The following ATM variants were observed in gnomAD, a reference collection of about 807,000 sequenced individuals.
ATM encodes the protein ATM serine/threonine kinase.
In ATM, 308 loss-of-function variants were observed where a neutral mutation model predicts 387.0. The ratio of observed to expected loss-of-function variants is 0.80; its 90% CI spans 0.73 to 0.87. The LOEUF is 0.87. ATM is among the 40% of genes least tolerant of loss of function. The pLI is 0.00. For missense variants in ATM, 3,312 were observed against 3,560.9 expected (o/e 0.93, Z 1.78); for synonymous variants, 1,156 against 1,187.3 (o/e 0.97, Z 0.54).
rs911383628 is a variant in ATM at position 108,227,968 on chromosome 11, A to G, written c.185+80A>G. ...CTGTTGTGATATTACTTTTGTGTGT[A>G]AGTCTTAACATTTATCTTTGCTTCC... On this transcript the variant is annotated intron_variant, in intron 3 of 62. Transcript: ENST00000675843. The G allele has an allele frequency of 1.9e-5, 23 of 1,210,602 alleles. No individual in the cohort carries two copies. The African/African-American group carries it at 2.6e-4, about 14-fold the overall frequency. The allele number at this position is 1,210,602 out of a possible 1,614,324, so 75.0% of individuals were successfully genotyped here.
At chr11:108,233,537 C>G (rs2079122948) in intron 4 of ATM, among the ~76,000 whole-genome samples, 2 of 148,604 alleles carry the variant, frequency 1.3e-5, no homozygotes, top group Admixed American at 1.3e-4. Context: ...CTATTGCACT[C>G]CAGTCTGGGT....
At chr11:108,339,485 G>T (rs754959154) in intron 56 of ATM, among the ~76,000 whole-genome samples, 1 of 151,978 alleles carries the variant, frequency 6.6e-6, no homozygotes, top group Non-Finnish European at 1.5e-5. Context: ...TATCAGCTGT[G>T]TACTTTCAGA....
intron 33 of ATM, 118 bp from the exon 34 acceptor site, chr11:108,299,596 C>T (rs2083309315): frequency 9.1e-7 from 1 of 1,093,684 alleles, no homozygotes; most frequent in Non-Finnish European, 1.4e-6. Context: ...CGCACTCGGC[C>T]TTAAGGTTAA....
chr11:108,329,095 CT>C lies in ATM; in HGVS notation c.7165del (p.Ser2389HisfsTer2), dbSNP rs2136414843. On this transcript the variant is annotated frameshift_variant, in exon 49 of 63. Transcript: ENST00000675843. LOFTEE classifies it high-confidence loss of function. ...LRNGKMKAFL[S>X]LARFSDTQYQ... ...GAAATGGAAAAATGAAGGCATTTCT[CT>C]CATTAGCCCGGTTTTCAGATACTCA... 1.2e-6 allele frequency: 2 copies of C among 1,614,102 alleles called. No homozygotes were observed. The highest frequency in any genetic ancestry group is 1.7e-6 in the Non-Finnish European group (2 of 1,179,996).
At chr11:108,290,819 A>T (rs1230116940) in intron 29 of ATM, among the ~76,000 whole-genome samples, 3 of 146,122 alleles carry the variant, frequency 2.1e-5, no homozygotes, top group Admixed American at 6.8e-5. Context: ...TGAGACTTTC[A>T]CTCAATTAAA....
chr11:108,317,391 C>G lies in ATM; in HGVS notation c.6217C>G (p.Leu2073Val), dbSNP rs767406075. 6.8e-6 allele frequency: 11 copies of G among 1,611,840 alleles called. No individual in the cohort carries two copies. Among genetic ancestry groups the G allele is most frequent in the Non-Finnish European group, 7.6e-6 (9 of 1,178,880 alleles). Residue 2073 changes from leucine to valine, a missense_variant, in exon 43 of 63, where the codon CTC (leucine) becomes GTC (valine). Coordinates refer to ENST00000675843, the MANE Select transcript of ATM (RefSeq NM_000051.4). Reference protein sequence around the residue: ...GIIQALQNLGLCHILSVYLKG... With the variant: ...GIIQALQNLGVCHILSVYLKG... ...TGTTTAGGCCTTGCAGAATTTGGGA[C>G]TCTGCCATATTCTTTCCGTCTATTT...
In ATM at chr11:108,254,736, T is replaced by G. The variant is rs368845192; in HGVS notation, c.2124+697T>G. Among the ~76,000 whole-genome samples the G allele has an allele frequency of 3.5e-3, 530 of 152,266 alleles. 2 individuals carry two copies. The highest frequency in any genetic ancestry group is 0.012 in the African/African-American group (505 of 41,552). The stretch of plus-strand genomic sequence containing the variant: ...GACGTGATCTTGGCTCACTGCAACC[T>G]CCGTCTTCCAGTTCAAGCAATTCTC... On this transcript the variant is annotated intron_variant, in intron 13 of 62. Transcript: ENST00000675843.
chr11:108,256,396 G>A (rs2080492452), intron 14 of ATM, 56 bp downstream of exon 14: 14 of 1,546,684 alleles, frequency 9.1e-6, no homozygotes, highest in Admixed American at 1.7e-5. Flanking sequence ...ATGTATTCCT[G>A]TGAAAATTAT....
At chr11:108,229,037 T>C (rs570407776) in intron 3 of ATM, 141 bp from the exon 4 acceptor site, 75 of 779,004 alleles carry the variant, frequency 9.6e-5, no homozygotes, top group Non-Finnish European at 1.4e-4. Flanking sequence ...TTTAATTGTT[T>C]TATTTGTTTT....
Position 108,366,539 on chromosome 11 carries a change from T to C in ATM, c.*1031T>C, listed in dbSNP as rs2091341957. 4.4e-6 allele frequency: 1 copy of C among 229,202 alleles called. No homozygotes were observed. The highest frequency in any genetic ancestry group is 8.7e-6 in the Non-Finnish European group (1 of 115,578). The allele number at this position is 229,202 out of a possible 1,614,324, so 14.2% of individuals were successfully genotyped here. A position where few individuals can be genotyped will look rare whatever the true frequency, so the allele number is the denominator to read the frequency against. On this transcript the variant is annotated 3_prime_UTR_variant, in exon 63 of 63. Transcript: ENST00000675843. ...AGGCTGTTCATCCAGTTTTGTCTTT[T>C]TGAAAAGTGAGTTTATTTTCAGCAA...
Position 108,361,857 on chromosome 11 carries a change from CTAGGCATTACCATTCAGGACA to C in ATM, c.8851-3217_8851-3197del, listed in dbSNP as rs2090804960. 3.3e-5 allele frequency among the ~76,000 whole-genome samples: 5 copies of C among 151,632 alleles called. No homozygotes were observed. The South Asian group carries it at 1.0e-3, about 32-fold the overall frequency. ...TACCATAAAAACCCTAGAAGAAAAC[CTAGGCATTACCATTCAGGACA>C]TAGGCATGGGCAAGGACTTCATGTC... On this transcript the variant is annotated intron_variant, in intron 61 of 62. Transcript: ENST00000675843.
In ATM at chr11:108,235,667, T is replaced by C. The variant is rs376116157; in HGVS notation, c.332-3T>C. The C allele has an allele frequency of 1.8e-5, 29 of 1,602,428 alleles. No homozygotes were observed. In the African/African-American group the frequency reaches 2.0e-4, roughly 11 times the overall value. On this transcript the variant is annotated splice_polypyrimidine_tract_variant and splice_region_variant and intron_variant, in intron 4 of 62. Transcript: ENST00000675843. ...TTTTCTTTATTTGTTTATTTTGAAA[T>C]AGGAGCACCTAGGCTAAAATGTCAA... is the stretch of plus-strand genomic sequence containing the variant.
intron 56 of ATM, among the ~76,000 whole-genome samples, chr11:108,341,870 GGT>G (rs2087620090): frequency 6.6e-6 from 1 of 152,078 alleles, no homozygotes; most frequent in Admixed American, 6.5e-5. Flanking sequence ...TCTACTGGTG[GGT>G]ATATAAATCG....
intron 43 of ATM, among the ~76,000 whole-genome samples, chr11:108,319,101 C>T (rs1488146690): frequency 6.6e-6 from 1 of 151,760 alleles, no homozygotes; most frequent in Non-Finnish European, 1.5e-5. Flanking sequence ...CCCTTGAGCC[C>T]AGGAGGTGGA....
At position 108,246,994 on chromosome 11, in the gene ATM, T is replaced by C. The variant is rs1462079674; in HGVS notation, c.932T>C (p.Ile311Thr). The C allele has an allele frequency of 6.2e-7, 1 of 1,612,576 alleles. No homozygotes were observed. Among genetic ancestry groups the C allele is most frequent in the Admixed American group, 1.7e-5 (1 of 60,012 alleles). ...TATGAATCAACAAAATGGAGAAGTA[T>C]TTTATACAACTTATATGATCTGCTA... is the stretch of plus-strand genomic sequence containing the variant. ...GAYESTKWRS[I>T]LYNLYDLLVN... The change falls in exon 8 of 63, where the codon ATT becomes ACT. Residue 311 changes from isoleucine (I) to threonine (T), a missense_variant. Transcript: ENST00000675843.
chr11:108,315,966 T>C, intron 41 of ATM, 45 bp from the exon 42 acceptor site: 4 of 1,608,258 alleles, frequency 2.5e-6, no homozygotes, highest in African/African-American at 2.7e-5. Flanking sequence ...GAAGGAGTTA[T>C]GTGTGTGTAA....
intron 1 of ATM, chr11:108,223,988 AC>A (rs1156718622): frequency 6.6e-6 from 1 of 152,240 alleles, no homozygotes; most frequent in Non-Finnish European, 1.5e-5. Flanking sequence ...GACCAAGAAA[AC>A]AAAGCTGTTT....
intron 61 of ATM, among the ~76,000 whole-genome samples, chr11:108,356,317 C>A (rs1270139068): frequency 6.6e-6 from 1 of 152,082 alleles, no homozygotes; most frequent in Non-Finnish European, 1.5e-5. Context: ...AGGTGGATCA[C>A]CTGAGGTCAG....
chr11:108,263,915 C>G (rs899657774), intron 16 of ATM, among the ~76,000 whole-genome samples: 7 of 149,882 alleles, frequency 4.7e-5, no homozygotes, highest in Admixed American at 4.6e-4. Flanking sequence ...CATACACTCT[C>G]CCAAGACTAA....
Sources: gnomAD v4.1 joint callset for allele counts (sites outside exome capture counted in the v4.1 genomes callset) on GRCh38, gnomAD v4.1.1 for gene constraint, MANE v1.5 for transcripts, NCBI Gene and HGNC (gene_info 2026-07-23, HGNC 2026-07-21) for gene names.